EPHA6: variants seen among roughly 807,000 people sequenced by gnomAD.
The protein encoded by EPHA6 is EPH receptor A6, also known as ephrin type-A receptor 6.
EPHA6 carries 50 observed loss-of-function variants against 112.0 expected under a neutral mutation model. That is an observed-to-expected ratio of 0.45 (90% CI 0.36 to 0.56). EPHA6 has a LOEUF of 0.56. Ranked by LOEUF, EPHA6 falls within the 20% of genes least tolerant of loss-of-function variation. EPHA6 has a pLI of 0.00. For synonymous variants in EPHA6, 529 were observed against 490.7 expected (o/e 1.08, Z -1.03); for missense variants, 1,280 against 1,417.4 (o/e 0.90, Z 1.56).
intron 5 of EPHA6, among the ~76,000 whole-genome samples, chr3:97,247,111 T>G (rs1171962213): frequency 6.6e-6 from 1 of 152,018 alleles, no homozygotes; most frequent in Non-Finnish European, 1.5e-5. Context: ...CCACTTGGAG[T>G]ATCTTTGGGA....
chr3:97,385,809 G>GC (rs1319737353), intron 5 of EPHA6, among the ~76,000 whole-genome samples: 1 of 152,140 alleles, frequency 6.6e-6, no homozygotes, highest in Admixed American at 6.6e-5. Flanking sequence ...GAGAGAAAGA[G>GC]CAAAGGGGGA....
intron 13 of EPHA6, among the ~76,000 whole-genome samples, chr3:97,622,551 T>G (rs536297820): frequency 6.6e-6 from 1 of 151,926 alleles, no homozygotes; most frequent in East Asian, 1.9e-4. Flanking sequence ...AATGCTACTG[T>G]GAGAATAGAT....
intron 7 of EPHA6, among the ~76,000 whole-genome samples, chr3:97,455,642 A>G (rs1431344407): frequency 6.6e-6 from 1 of 152,008 alleles, no homozygotes; most frequent in Non-Finnish European, 1.5e-5. Context: ...TCAGAAGACT[A>G]TTTATAAATC....
At chr3:97,197,244 T>G (rs566821809) in intron 3 of EPHA6, among the ~76,000 whole-genome samples, 8 of 152,010 alleles carry the variant, frequency 5.3e-5, no homozygotes, top group African/African-American at 1.9e-4. Context: ...AGAAAGAATC[T>G]CTCCTCATGG....
At chr3:97,066,177 G>A (rs1423489508) in intron 3 of EPHA6, among the ~76,000 whole-genome samples, 5 of 151,960 alleles carry the variant, frequency 3.3e-5, no homozygotes, top group Admixed American at 3.3e-4. Context: ...TTAGATCTTG[G>A]TAATTTGTTT....
At chr3:97,336,986 A>G (rs1045298184) in intron 5 of EPHA6, among the ~76,000 whole-genome samples, 1 of 151,960 alleles carries the variant, frequency 6.6e-6, no homozygotes, top group South Asian at 2.1e-4. Flanking sequence ...GATGAAAAAG[A>G]GTAGTAAAAA....
chr3:97,284,617 A>C (rs1038242266), intron 5 of EPHA6, among the ~76,000 whole-genome samples: 2 of 152,154 alleles, frequency 1.3e-5, no homozygotes, highest in Non-Finnish European at 2.9e-5. Context: ...CTAAGAGTAC[A>C]CTCATTTCTA....
At chr3:96,993,153 A>G (rs891965437) in intron 3 of EPHA6, among the ~76,000 whole-genome samples, 27 of 152,240 alleles carry the variant, frequency 1.8e-4, no homozygotes, top group African/African-American at 5.8e-4. Flanking sequence ...TTTATCCATC[A>G]TTTTATGAAT....
chr3:97,187,727 A>AAG (rs1491264814), intron 3 of EPHA6, among the ~76,000 whole-genome samples: 1 of 150,018 alleles, frequency 6.7e-6, no homozygotes, highest in African/African-American at 2.5e-5. Flanking sequence ...GAAAGAAAGA[A>AAG]AGAAAGAAAG....
chr3:97,298,568 G>C (rs530758669), intron 5 of EPHA6, among the ~76,000 whole-genome samples: 1 of 152,010 alleles, frequency 6.6e-6, no homozygotes, highest in South Asian at 2.1e-4. Context: ...TTAAACTTAA[G>C]CCACCTAAAT....
intron 1 of EPHA6, among the ~76,000 whole-genome samples, chr3:96,851,691 A>G (rs1158362121): frequency 1.3e-5 from 2 of 152,158 alleles, no homozygotes; most frequent in Non-Finnish European, 2.9e-5. Context: ...ACTGTCATTT[A>G]AGCTGAGCCC....
chr3:97,487,622 A>G (rs1022923549), intron 10 of EPHA6, among the ~76,000 whole-genome samples: 4 of 152,126 alleles, frequency 2.6e-5, no homozygotes, highest in South Asian at 2.1e-4. Context: ...TATTCTTAAC[A>G]TTCTCCTTCT....
intron 10 of EPHA6, among the ~76,000 whole-genome samples, chr3:97,516,561 A>C (rs1027588197): frequency 1.8e-4 from 28 of 152,184 alleles, no homozygotes; most frequent in Admixed American, 5.2e-4. Context: ...CAGATGGGTG[A>C]CTATCCAGAT....
intron 2 of EPHA6, among the ~76,000 whole-genome samples, chr3:96,907,968 G>A (rs2107594232): frequency 6.6e-6 from 1 of 152,048 alleles, no homozygotes; most frequent in Middle Eastern, 3.4e-3. Flanking sequence ...AGACCATGGA[G>A]TGTACTTACA....
At chr3:97,307,539 A>G (rs1177581899) in intron 5 of EPHA6, among the ~76,000 whole-genome samples, 1 of 151,680 alleles carries the variant, frequency 6.6e-6, no homozygotes, top group Non-Finnish European at 1.5e-5. Context: ...CTCTGACAGA[A>G]CTGAGATACG....
At chr3:96,900,773 A>G (rs1446525122) in intron 2 of EPHA6, among the ~76,000 whole-genome samples, 1 of 152,246 alleles carries the variant, frequency 6.6e-6, no homozygotes, top group Non-Finnish European at 1.5e-5. Context: ...ATGGCCCTTC[A>G]AAGACTGTTT....
At chr3:97,047,666 CTAATATTTGTAAAATAT>C (rs56792857) in intron 3 of EPHA6, among the ~76,000 whole-genome samples, 44,904 of 150,026 alleles carry the variant, frequency 0.3, 11,756 homozygotes, top group African/African-American at 0.7. Context: ...TGCTTGAAAT[CTAATATTTGTAAAATAT>C]TAATATTTGT....
chr3:96,875,458 A>G (rs74694635), intron 2 of EPHA6, among the ~76,000 whole-genome samples: 2,362 of 152,226 alleles, frequency 0.016, 24 homozygotes, highest in Non-Finnish European at 0.022. Flanking sequence ...AAGAAAATGT[A>G]TTGCTGCCTC....
At chr3:97,558,391 G>A (rs1010912064) in intron 11 of EPHA6, among the ~76,000 whole-genome samples, 2 of 151,986 alleles carry the variant, frequency 1.3e-5, no homozygotes, top group African/African-American at 4.8e-5. Flanking sequence ...TACCTAAAGA[G>A]TCAACCTTCT....
Sources: gnomAD v4.1 joint callset for allele counts (sites outside exome capture counted in the v4.1 genomes callset) on GRCh38, gnomAD v4.1.1 for gene constraint, MANE v1.5 for transcripts, NCBI Gene and HGNC (gene_info 2026-07-23, HGNC 2026-07-21) for gene names.